The following CACNG6 variants were observed in gnomAD, a reference collection of about 807,000 sequenced individuals.
CACNG6 encodes the protein voltage-dependent calcium channel gamma-6 subunit.
CACNG6 carries 21 observed loss-of-function variants against 23.9 expected under a neutral mutation model. That is an observed-to-expected ratio of 0.88 (90% CI 0.62 to 1.26). The LOEUF (loss-of-function observed/expected upper bound fraction) is 1.26. Among genes scored for constraint, CACNG6 ranks in the 50% most tolerant of loss-of-function variants. The pLI, the probability that CACNG6 is intolerant of heterozygous loss-of-function variation, is 0.00. For synonymous variants in CACNG6, 182 were observed against 168.9 expected, an observed-to-expected ratio of 1.08 and a Z score of -0.60; for missense variants, 340 against 352.9, an observed-to-expected ratio of 0.96 and a Z score of 0.29.
intron 2 of CACNG6, among the ~76,000 whole-genome samples, chr19:53,999,175 A>G (rs2069551089): frequency 6.6e-6 from 1 of 152,104 alleles, no homozygotes. Context: ...CCACAGGAGG[A>G]AATTTAGGCT....
chr19:54,010,643 C>T (rs1466903871), intron 3 of CACNG6, among the ~76,000 whole-genome samples: 5 of 151,944 alleles, frequency 3.3e-5, no homozygotes, highest in Admixed American at 2.6e-4. Flanking sequence ...GGTGTGATCA[C>T]GGTTCACTGC....
Position 53,991,699 on chromosome 19 carries a change from G to T in CACNG6, c.-1179G>T, listed in dbSNP as rs2069461405. Among the ~76,000 whole-genome samples, 1 of 152,062 alleles carries T rather than the reference G, an allele frequency of 6.6e-6. No individual in the cohort carries two copies. The highest frequency in any genetic ancestry group is 2.4e-5 in the African/African-American group (1 of 41,420). On this transcript the variant is annotated 5_prime_UTR_variant, in exon 1 of 4. Transcript: ENST00000252729. ...GAGGCAGCGCGGAGCTGGGGTCGGC[G>T]CGGGGCCGAGGCAGGAGAGCGAGAG...
At chr19:54,011,205 A>AAAAATATATATATATATATATATATAT (rs58054808) in intron 3 of CACNG6, among the ~76,000 whole-genome samples, 9 of 102,508 alleles carry the variant, frequency 8.8e-5, no homozygotes, top group South Asian at 2.9e-4. Context: ...AAAAAAAAAA[A>AAAAATATATATATATATATATATATAT]ATATATATAT....
intron 1 of CACNG6, among the ~76,000 whole-genome samples, chr19:53,995,724 C>T (rs1026690665): frequency 3.3e-5 from 5 of 152,248 alleles, no homozygotes; most frequent in Admixed American, 6.5e-5. Context: ...TGCAATGGCA[C>T]GATCTCGGCC....
chr19:54,006,804 G>T (rs1444456205), intron 3 of CACNG6, among the ~76,000 whole-genome samples: 2 of 151,550 alleles, frequency 1.3e-5, no homozygotes, highest in Non-Finnish European at 2.9e-5. Flanking sequence ...CAGAGTATTG[G>T]GACTACAGCC....
intron 3 of CACNG6, among the ~76,000 whole-genome samples, chr19:54,004,510 G>A (rs143983292): frequency 0.029 from 4,354 of 152,088 alleles, 221 homozygotes; most frequent in African/African-American, 0.099. Flanking sequence ...GAGCCACCAC[G>A]CCTGGCCCCT....
intron 3 of CACNG6, among the ~76,000 whole-genome samples, chr19:54,000,507 T>G (rs2069564692): frequency 1.3e-5 from 2 of 152,194 alleles, no homozygotes; most frequent in Admixed American, 1.3e-4. Flanking sequence ...TAAACAACAC[T>G]TCAGTTTATT....
chr19:54,007,995 G>A (rs2069666027), intron 3 of CACNG6, among the ~76,000 whole-genome samples: 1 of 152,118 alleles, frequency 6.6e-6, no homozygotes, highest in Admixed American at 6.6e-5. Flanking sequence ...GTAATGTTGG[G>A]CTGCATGGAG....
chr19:53,998,511 C>CTTTTT (rs35492861), intron 2 of CACNG6, among the ~76,000 whole-genome samples, 198 bp downstream of exon 2: 11 of 115,454 alleles, frequency 9.5e-5, no homozygotes, highest in African/African-American at 1.7e-4. Context: ...CTAGAGAACT[C>CTTTTT]TTTTTTTTTT....
Position 53,991,660 on chromosome 19 carries a change from A to C in CACNG6, c.-1218A>C, listed in dbSNP as rs951938586. Reference sequence around the variant, plus strand: ...CCAGGCCGGTGGCGGTGGCGGGCACAGCCGGACGCTTCGGAGGCAGCGCGG... The same window carrying C: ...CCAGGCCGGTGGCGGTGGCGGGCACCGCCGGACGCTTCGGAGGCAGCGCGG... On this transcript the variant is annotated 5_prime_UTR_variant, in exon 1 of 4. Transcript: ENST00000252729. Among the ~76,000 whole-genome samples, 3 of 151,512 alleles carry C rather than the reference A, an allele frequency of 2.0e-5. No homozygotes were observed. Among genetic ancestry groups the C allele is most frequent in the African/African-American group, 7.3e-5 (3 of 41,182 alleles).
Position 53,993,035 on chromosome 19 carries a change from C to T in CACNG6, c.158C>T (p.Ala53Val). ...CTGGCCGCCGTGGGCGCCACGCTGG[C>T]GGTGCTGTCCGTGGGCACCGAGTTC... ...LLLAAVGATL[A>V]VLSVGTEFWV... The change falls in exon 1 of 4, where the codon GCG becomes GTG. Residue 53 changes from alanine (A) to valine (V), a missense_variant. Transcript: ENST00000252729. The T allele has an allele frequency of 2.0e-6, 3 of 1,479,226 alleles. No individual in the cohort carries two copies. The highest frequency in any genetic ancestry group is 2.5e-5 in the Admixed American group (1 of 40,600). The allele number at this position is 1,479,226 out of a possible 1,614,324, so 91.6% of individuals were successfully genotyped here.
At chr19:54,006,251 A>C (rs2069643698) in intron 3 of CACNG6, among the ~76,000 whole-genome samples, 1 of 151,576 alleles carries the variant, frequency 6.6e-6, no homozygotes. Context: ...CACTATAAGA[A>C]AGTACCACAG....
chr19:53,999,836 A>G (rs1441642928), intron 3 of CACNG6, 65 bp downstream of exon 3: 9 of 1,573,386 alleles, frequency 5.7e-6, no homozygotes, highest in Middle Eastern at 2.2e-4. Context: ...GCACTGTTGC[A>G]TGCTGGGAGA....
At chr19:54,011,245 CAA>C (rs1600066756) in intron 3 of CACNG6, among the ~76,000 whole-genome samples, 2 of 132,090 alleles carry the variant, frequency 1.5e-5, no homozygotes, top group Non-Finnish European at 3.2e-5. Context: ...CACACACACA[CAA>C]AAATTAGCCA....
At chr19:54,005,598 T>C (rs1216748699) in intron 3 of CACNG6, among the ~76,000 whole-genome samples, 1 of 149,540 alleles carries the variant, frequency 6.7e-6, no homozygotes. Flanking sequence ...TACTAAGATA[T>C]AAAAAATTAG....
chr19:54,006,131 G>A (rs1330707055), intron 3 of CACNG6, among the ~76,000 whole-genome samples: 1 of 53,208 alleles, frequency 1.9e-5, no homozygotes, highest in African/African-American at 4.5e-5. Flanking sequence ...AAATAAGAAA[G>A]AAAGAAGACT....
chr19:54,011,406 G>C (rs2069711208), intron 3 of CACNG6, among the ~76,000 whole-genome samples: 1 of 136,210 alleles, frequency 7.3e-6, no homozygotes, highest in Non-Finnish European at 1.5e-5. Flanking sequence ...ACTCCAGCCT[G>C]GGTGACAGAG....
intron 3 of CACNG6, among the ~76,000 whole-genome samples, chr19:54,011,618 A>G (rs1450711592): frequency 1.3e-5 from 2 of 151,782 alleles, no homozygotes; most frequent in African/African-American, 4.8e-5. Flanking sequence ...TTATGCAACT[A>G]TCACCCCCAT....
At chr19:54,006,706 G>GT (rs1347331943) in intron 3 of CACNG6, among the ~76,000 whole-genome samples, 1 of 151,460 alleles carries the variant, frequency 6.6e-6, no homozygotes, top group Non-Finnish European at 1.5e-5. Flanking sequence ...GCTAATTTTT[G>GT]TATTTTTTAG....
Sources: gnomAD v4.1 joint callset for allele counts (sites outside exome capture counted in the v4.1 genomes callset) on GRCh38, gnomAD v4.1.1 for gene constraint, MANE v1.5 for transcripts, NCBI Gene and HGNC (gene_info 2026-07-23, HGNC 2026-07-21) for gene names.